The following BIN2 variants were observed in gnomAD, a reference collection of about 807,000 sequenced individuals.
BIN2 encodes the protein bridging integrator 2.
Under a neutral mutation model 67.9 loss-of-function variants are expected in BIN2, and 43 were observed. The ratio of observed to expected loss-of-function variants is 0.63; its 90% CI spans 0.50 to 0.82. BIN2 has a LOEUF of 0.82. BIN2 is among the 40% of genes least tolerant of loss of function. The pLI is 0.00. For missense variants in BIN2, 581 were observed against 671.6 expected (o/e 0.87, Z 1.49); for synonymous variants, 244 against 246.8 (o/e 0.99, Z 0.11).
At chr12:51,300,427 TC>T (rs1184060966) in intron 5 of BIN2, among the ~76,000 whole-genome samples, 1 of 152,118 alleles carries the variant, frequency 6.6e-6, no homozygotes, top group Non-Finnish European at 1.5e-5. Flanking sequence ...TGGGAATTAG[TC>T]CCAAATCTGC....
In BIN2 at chr12:51,296,809, AT is replaced by A. The variant is rs113603597; in HGVS notation, c.678+279del. 1.2e-3 allele frequency among the ~76,000 whole-genome samples: 189 copies of A among 152,206 alleles called. 2 individuals carry two copies. The highest frequency in any genetic ancestry group is 4.4e-3 in the African/African-American group (181 of 41,540). ...TTTCACAATGGGGTTCCCCATTTTAATTTTTCCTTCTATAGGCCTAACCTCC... is the reference window on the plus strand; with the variant it reads ...TTTCACAATGGGGTTCCCCATTTTAATTTTCCTTCTATAGGCCTAACCTCC... On this transcript the variant is annotated intron_variant, in intron 8 of 12. Transcript: ENST00000615107.
At position 51,288,108 on chromosome 12, in the gene BIN2, C is replaced by G. The variant is rs1400874684; in HGVS notation, c.1596G>C (p.Glu532Asp). The change falls in exon 11 of 13, where the codon GAG (glutamate) becomes GAC (aspartate). Residue 532 changes from glutamate (E) to aspartate (D), a missense_variant and splice_region_variant. Physicochemically the swap from Glu to Asp is conservative, Grantham distance 45. Coordinates refer to ENST00000615107, the MANE Select transcript of BIN2 (RefSeq NM_016293.4). ...DNKLISANSSEGQDQLQVSMV... is the reference protein window; with the variant it reads ...DNKLISANSSDGQDQLQVSMV... Reference sequence around the variant, plus strand: ...TGTAGATGACTTAGGCTTTTAGTACCTCCGAGGAGTTAGCTGAGATAAGCT... The same window carrying G: ...TGTAGATGACTTAGGCTTTTAGTACGTCCGAGGAGTTAGCTGAGATAAGCT... The G allele has an allele frequency of 1.9e-6, 3 of 1,609,868 alleles. No individual in the cohort carries two copies. Among genetic ancestry groups the G allele is most frequent in the Non-Finnish European group, 2.6e-6 (3 of 1,176,424 alleles).
At chr12:51,300,241 G>A (rs143414754) in intron 5 of BIN2, among the ~76,000 whole-genome samples, 76 of 152,002 alleles carry the variant, frequency 5.0e-4, no homozygotes, top group African/African-American at 1.6e-3. Context: ...AGAGCATGTG[G>A]AAATCTGTAT....
intron 7 of BIN2, among the ~76,000 whole-genome samples, chr12:51,298,912 T>C (rs1304694754): frequency 6.6e-6 from 1 of 150,408 alleles, no homozygotes; most frequent in East Asian, 2.0e-4. Flanking sequence ...CTACTAAAAA[T>C]ACAAAAAAAA....
chr12:51,299,518 T>C, intron 6 of BIN2, 89 bp downstream of exon 6: 1 of 1,195,754 alleles, frequency 8.4e-7, no homozygotes, highest in Non-Finnish European at 1.2e-6. Context: ...TAATTTCCTA[T>C]ACCCATGTTG....
chr12:51,285,469 T>C (rs900225602), intron 11 of BIN2, among the ~76,000 whole-genome samples: 1 of 150,714 alleles, frequency 6.6e-6, no homozygotes, highest in Non-Finnish European at 1.5e-5. Flanking sequence ...AATATAAATT[T>C]TAAAAAAAAG....
chr12:51,302,725 G>A lies in BIN2; in HGVS notation c.273C>T (p.Ser91=), dbSNP rs750169427. The part of the protein sequence containing the change: ...VSETLQEIYS[S]EWDGHEELKA... The stretch of plus-strand genomic sequence containing the variant: ...TCAGCTCCTCATGACCGTCCCACTC[G>A]CTGCTGTAGATCTCCTGCAGGGTTT... The change falls in exon 4 of 13, where the codon AGC becomes AGT. Residue 91 remains serine (S), a synonymous_variant. Coordinates refer to ENST00000615107, the MANE Select transcript of BIN2 (RefSeq NM_016293.4). The A allele has an allele frequency of 9.9e-6, 16 of 1,613,994 alleles. No homozygotes were observed. The highest frequency in any genetic ancestry group is 6.7e-5 in the East Asian group (3 of 44,898).
chr12:51,324,298 CG>C (rs1946375690), upstream of BIN2: 6 of 1,379,214 alleles, frequency 4.4e-6, no homozygotes, highest in Non-Finnish European at 5.7e-6. Context: ...CTCGGAGGGG[CG>C]GGCCCGGGGC....
At chr12:51,289,940 C>A (rs1394489900) in intron 10 of BIN2, among the ~76,000 whole-genome samples, 1 of 151,898 alleles carries the variant, frequency 6.6e-6, no homozygotes, top group Non-Finnish European at 1.5e-5. Flanking sequence ...AAATTTGCTG[C>A]CATTTTTTTT....
intron 10 of BIN2, among the ~76,000 whole-genome samples, chr12:51,290,070 A>AGTAT (rs1555169557): frequency 2.0e-5 from 3 of 151,014 alleles, no homozygotes; most frequent in African/African-American, 7.3e-5. Context: ...TTTTGAATTT[A>AGTAT]TTATTTATTT....
chr12:51,302,821 A>C, intron 3 of BIN2, 41 bp from the exon 4 acceptor site: 3 of 1,529,130 alleles, frequency 2.0e-6, no homozygotes, highest in Non-Finnish European at 2.7e-6. Flanking sequence ...TGTTTCCCCA[A>C]CAGTAGTTGG....
chr12:51,318,226 AG>A (rs1946181461), intron 1 of BIN2, among the ~76,000 whole-genome samples: 1 of 149,936 alleles, frequency 6.7e-6, no homozygotes, highest in African/African-American at 2.5e-5. Flanking sequence ...GGAGTGTGGC[AG>A]GTTCTGTGGA....
At chr12:51,319,067 A>G (rs1427197099) in intron 1 of BIN2, among the ~76,000 whole-genome samples, 1 of 152,164 alleles carries the variant, frequency 6.6e-6, no homozygotes, top group East Asian at 1.9e-4. Flanking sequence ...CCACCTTGTT[A>G]GTGGTAAGTG....
At chr12:51,300,672 C>G (rs934937482) in intron 5 of BIN2, among the ~76,000 whole-genome samples, 30 of 152,258 alleles carry the variant, frequency 2.0e-4, no homozygotes, top group Admixed American at 1.4e-3. Context: ...TGAACCGTTT[C>G]ATTCTCTCAG....
rs751935830 is a variant in BIN2, at chr12:51,324,139, C to A, written c.-37G>T. On this transcript the variant is annotated 5_prime_UTR_variant, in exon 1 of 13. Coordinates refer to ENST00000615107, the MANE Select transcript of BIN2 (RefSeq NM_016293.4). ...CCTGGGGGCCGCCGCCCTGGCCCCG[C>A]GCCCTGTGGTTTTCTGAGGCCCCCG... is the stretch of plus-strand genomic sequence containing the variant. The A allele has an allele frequency of 2.5e-6, 4 of 1,608,542 alleles. No homozygotes were observed. The Admixed American group carries it at 6.7e-5, about 27-fold the overall frequency.
intron 12 of BIN2, among the ~76,000 whole-genome samples, chr12:51,283,871 G>C (rs533586672): frequency 5.6e-4 from 85 of 151,738 alleles, no homozygotes; most frequent in African/African-American, 2.0e-3. Flanking sequence ...GCGCATGCCT[G>C]TAATCCCAGC....
chr12:51,317,016 A>G (rs993538681), intron 1 of BIN2, among the ~76,000 whole-genome samples: 3 of 152,030 alleles, frequency 2.0e-5, no homozygotes, highest in African/African-American at 7.2e-5. Context: ...AGCTGGGATT[A>G]CAGGCATGTG....
At position 51,324,032 on chromosome 12, in the gene BIN2, G is replaced by C. The variant is rs1422230637; in HGVS notation, c.71C>G (p.Ala24Gly). The C allele has an allele frequency of 6.2e-7, 1 of 1,613,378 alleles. No individual in the cohort carries two copies. The highest frequency in any genetic ancestry group is 1.3e-5 in the African/African-American group (1 of 74,878). The change falls in exon 1 of 13, where the codon GCC becomes GGC. Residue 24 changes from alanine to glycine, a missense_variant. Transcript: ENST00000615107. ...AKQVQKKFSR[A>G]QEKVLQKLGK... ...GGCCCGGCCACCTACCTTCTCCTGG[G>C]CCCTGCTAAACTTCTTCTGCACCTG...
chr12:51,287,888 G>A (rs1417101420), intron 11 of BIN2, among the ~76,000 whole-genome samples: 1 of 147,182 alleles, frequency 6.8e-6, no homozygotes, highest in African/African-American at 2.5e-5. Flanking sequence ...CCTGACCTGG[G>A]AATCCGCCCG....
Sources: gnomAD v4.1 joint callset for allele counts (sites outside exome capture counted in the v4.1 genomes callset) on GRCh38, gnomAD v4.1.1 for gene constraint, MANE v1.5 for transcripts, NCBI Gene and HGNC (gene_info 2026-07-23, HGNC 2026-07-21) for gene names.